The following SOX5 variants were observed in gnomAD, a reference collection of about 807,000 sequenced individuals.
SOX5 encodes SRY-box transcription factor 5.
In SOX5, 9 loss-of-function variants were observed where a neutral mutation model predicts 92.0. That is an observed-to-expected ratio of 0.10 (90% CI 0.06 to 0.17). The LOEUF is 0.17. Among genes scored for constraint, SOX5 ranks in the 10% least tolerant of loss-of-function variants. The pLI is 1.00. For missense variants in SOX5, 642 were observed against 944.5 expected, an observed-to-expected ratio of 0.68 and a Z score of 4.20; for synonymous variants, 344 against 336.3, an observed-to-expected ratio of 1.02 and a Z score of -0.25.
At chr12:24,551,683 C>T (rs1953188979) in intron 1 of SOX5, among the ~76,000 whole-genome samples, 1 of 152,214 alleles carries the variant, frequency 6.6e-6, no homozygotes, top group Non-Finnish European at 1.5e-5. Flanking sequence ...TGATCCCATA[C>T]AAACCTTGGG....
intron 9 of SOX5, among the ~76,000 whole-genome samples, chr12:23,597,009 T>A (rs1245176441): frequency 6.6e-6 from 1 of 152,226 alleles, no homozygotes; most frequent in Non-Finnish European, 1.5e-5. Context: ...GATTTTTAGA[T>A]GGTGAAATCT....
chr12:23,860,304 TA>T (rs58292055), intron 2 of SOX5, among the ~76,000 whole-genome samples: 107,003 of 149,996 alleles, frequency 0.71, 38,142 homozygotes, highest in East Asian at 0.88. Context: ...AAAATAAATT[TA>T]AAAAAAAAAA....
chr12:24,506,869 T>G (rs368333915), intron 1 of SOX5, among the ~76,000 whole-genome samples: 1 of 138,888 alleles, frequency 7.2e-6, no homozygotes, highest in Non-Finnish European at 1.5e-5. Flanking sequence ...CGGCTCACTG[T>G]AAGCTCCGCC....
At chr12:24,133,880 T>C (rs1252914721) in intron 4 of SOX5, among the ~76,000 whole-genome samples, 3 of 152,124 alleles carry the variant, frequency 2.0e-5, no homozygotes. Flanking sequence ...TTCTGATATA[T>C]AGCACACACC....
chr12:24,213,406 T>C (rs1236748478), exon 4 of SOX5: 2 of 119,284 alleles, frequency 1.7e-5, no homozygotes, highest in East Asian at 4.6e-4. Context: ...ATATTATCTA[T>C]TTCTTGAAAT....
At chr12:23,554,732 T>C (rs1944818779) in intron 11 of SOX5, among the ~76,000 whole-genome samples, 1 of 152,174 alleles carries the variant, frequency 6.6e-6, no homozygotes, top group Non-Finnish European at 1.5e-5. Flanking sequence ...GAGATGTGAT[T>C]GGAAAGATTC....
intron 2 of SOX5, among the ~76,000 whole-genome samples, chr12:24,319,149 C>T (rs2140886758): frequency 6.6e-6 from 1 of 152,230 alleles, no homozygotes; most frequent in East Asian, 1.9e-4. Flanking sequence ...CTCTTCCATT[C>T]CTTTCACCCC....
chr12:24,060,851 A>G (rs1439063376), intron 4 of SOX5, among the ~76,000 whole-genome samples: 1 of 152,234 alleles, frequency 6.6e-6, no homozygotes, highest in Non-Finnish European at 1.5e-5. Flanking sequence ...GCTAACACAG[A>G]GAAAGGCAAA....
At chr12:24,483,616 C>T (rs1946221839) in intron 1 of SOX5, among the ~76,000 whole-genome samples, 1 of 152,146 alleles carries the variant, frequency 6.6e-6, no homozygotes, top group Non-Finnish European at 1.5e-5. Flanking sequence ...AACAAAGTTG[C>T]CTGGCGACAT....
chr12:23,856,363 C>A, intron 2 of SOX5, among the ~76,000 whole-genome samples: 1 of 152,090 alleles, frequency 6.6e-6, no homozygotes, highest in East Asian at 1.9e-4. Flanking sequence ...TACACAAAAT[C>A]TGTTTATTCA....
intron 4 of SOX5, among the ~76,000 whole-genome samples, chr12:24,142,435 T>C (rs939269657): frequency 6.6e-6 from 1 of 152,182 alleles, no homozygotes; most frequent in Non-Finnish European, 1.5e-5. Flanking sequence ...CAAAGTTGTA[T>C]TGATGGTTGT....
chr12:24,222,898 T>C (rs528931442), intron 3 of SOX5, among the ~76,000 whole-genome samples: 1 of 152,284 alleles, frequency 6.6e-6, no homozygotes, highest in Admixed American at 6.5e-5. Context: ...CCCATATTGC[T>C]TGGAATAGAC....
chr12:24,438,270 C>T (rs1453277891), intron 1 of SOX5, among the ~76,000 whole-genome samples: 1 of 151,920 alleles, frequency 6.6e-6, no homozygotes, highest in Non-Finnish European at 1.5e-5. Context: ...CATCACATAC[C>T]AGGGCCTGTC....
At chr12:24,323,071 T>C (rs1195600394) in intron 2 of SOX5, among the ~76,000 whole-genome samples, 3 of 152,018 alleles carry the variant, frequency 2.0e-5, no homozygotes, top group African/African-American at 7.2e-5. Flanking sequence ...GCATCAGTAT[T>C]ATCTGGAAAA....
intron 3 of SOX5, among the ~76,000 whole-genome samples, chr12:24,248,958 G>A (rs1448930712): frequency 6.6e-6 from 1 of 152,150 alleles, no homozygotes; most frequent in Admixed American, 6.5e-5. Context: ...ATCATACGAT[G>A]GTAACCATTA....
intron 4 of SOX5, among the ~76,000 whole-genome samples, chr12:23,966,014 T>C (rs916733024): frequency 6.6e-6 from 1 of 152,050 alleles, no homozygotes; most frequent in Non-Finnish European, 1.5e-5. Context: ...GTGCTGTCCA[T>C]TGCTTAATGC....
At chr12:23,584,481 T>G in intron 9 of SOX5, 1 of 1,135,718 alleles carries the variant, frequency 8.8e-7, no homozygotes, top group Non-Finnish European at 1.3e-6. Flanking sequence ...AGCATCATTA[T>G]GCATAAGTCA....
intron 2 of SOX5, among the ~76,000 whole-genome samples, chr12:24,350,244 C>T (rs1420154660): frequency 6.6e-6 from 1 of 152,202 alleles, no homozygotes; most frequent in Non-Finnish European, 1.5e-5. Flanking sequence ...GGGCGTAGGG[C>T]CCAGCCAGCA....
intron 4 of SOX5, among the ~76,000 whole-genome samples, chr12:24,170,981 A>G (rs1445743239): frequency 6.6e-6 from 1 of 152,044 alleles, no homozygotes; most frequent in Non-Finnish European, 1.5e-5. Flanking sequence ...CTGAAGCACC[A>G]TTTCTAGCTC....
Sources: gnomAD v4.1 joint callset for allele counts (sites outside exome capture counted in the v4.1 genomes callset) on GRCh38, gnomAD v4.1.1 for gene constraint, MANE v1.5 for transcripts, NCBI Gene and HGNC (gene_info 2026-07-23, HGNC 2026-07-21) for gene names.